Variants in SDK1 observed in about 807,000 individuals in gnomAD.
SDK1 encodes the protein sidekick cell adhesion molecule 1, also known as protein sidekick-1.
SDK1 carries 157 observed loss-of-function variants against 245.5 expected under a neutral mutation model. That is an observed-to-expected ratio of 0.64 (90% CI 0.56 to 0.73). SDK1 has a LOEUF of 0.73. Ranked by LOEUF, SDK1 falls within the 30% of genes least tolerant of loss-of-function variation. The probability of loss-of-function intolerance (pLI) is 0.00; values close to 1 mark genes in which losing one functional copy is unlikely to be tolerated. For synonymous variants in SDK1, 1,647 were observed against 1,278.5 expected (o/e 1.29, Z -6.15); for missense variants, 3,583 against 3,002.3 (o/e 1.19, Z -4.52).
At chr7:3,940,160 C>T (rs1187774930) in intron 5 of SDK1, among the ~76,000 whole-genome samples, 1 of 150,880 alleles carries the variant, frequency 6.6e-6, no homozygotes, top group Non-Finnish European at 1.5e-5. Flanking sequence ...AGAAACTGAC[C>T]TACAGAACTT....
At chr7:3,673,004 C>T (rs1783768119) in intron 4 of SDK1, among the ~76,000 whole-genome samples, 2 of 151,066 alleles carry the variant, frequency 1.3e-5, no homozygotes, top group Admixed American at 1.3e-4. Flanking sequence ...TTTAAATAAG[C>T]ATCTTTGCTT....
At chr7:3,621,498 A>G (rs1419400073) in intron 2 of SDK1, among the ~76,000 whole-genome samples, 3 of 152,228 alleles carry the variant, frequency 2.0e-5, no homozygotes, top group African/African-American at 7.2e-5. Context: ...AGTAGGCATG[A>G]TGTGGACAGT....
At chr7:3,942,769 A>T (rs1466763039) in intron 5 of SDK1, among the ~76,000 whole-genome samples, 1 of 152,150 alleles carries the variant, frequency 6.6e-6, no homozygotes, top group Non-Finnish European at 1.5e-5. Flanking sequence ...AAAACCCTGG[A>T]GATTGTTTTT....
Position 4,259,798 on chromosome 7 carries a change from G to A in SDK1, c.6382-5326G>A, listed in dbSNP as rs111230543. ...GAATGGAGGGTTGTACACCTGTTGC[G>A]CGGATCCTAGAGAGAAGCCTGGAAC... On this transcript the variant is annotated intron_variant, in intron 44 of 44. Coordinates refer to ENST00000404826, the MANE Select transcript of SDK1 (RefSeq NM_152744.4). 2.6e-3 allele frequency among the ~76,000 whole-genome samples: 391 copies of A among 152,312 alleles called. 1 individual carries two copies. The highest frequency in any genetic ancestry group is 8.0e-3 in the African/African-American group (334 of 41,566).
chr7:3,533,275 C>T (rs1783410457), intron 1 of SDK1, among the ~76,000 whole-genome samples: 1 of 152,086 alleles, frequency 6.6e-6, no homozygotes, highest in Non-Finnish European at 1.5e-5. Context: ...GTAAACAGTA[C>T]TGACAAGGCT....
intron 1 of SDK1, among the ~76,000 whole-genome samples, chr7:3,319,481 T>G (rs997819440): frequency 6.6e-6 from 1 of 152,226 alleles, no homozygotes; most frequent in Non-Finnish European, 1.5e-5. Context: ...CAAGCTGGCT[T>G]ACCTTTTAGA....
chr7:3,943,468 T>C (rs1780451996), intron 5 of SDK1, among the ~76,000 whole-genome samples: 2 of 39,868 alleles, frequency 5.0e-5, no homozygotes, highest in Non-Finnish European at 1.1e-4. Flanking sequence ...GAAAGCTGTG[T>C]GCCCAGCTGC....
intron 5 of SDK1, among the ~76,000 whole-genome samples, chr7:3,848,112 C>T (rs1780326731): frequency 6.6e-6 from 1 of 152,200 alleles, no homozygotes; most frequent in African/African-American, 2.4e-5. Context: ...CAAATTCCAT[C>T]TCGAGCTGTT....
At chr7:3,705,544 A>T (rs1264504604) in intron 4 of SDK1, among the ~76,000 whole-genome samples, 3 of 148,038 alleles carry the variant, frequency 2.0e-5, no homozygotes, top group Middle Eastern at 3.6e-3. Context: ...TCATGATTTG[A>T]GTCTCAGTTT....
intron 4 of SDK1, among the ~76,000 whole-genome samples, chr7:3,713,360 A>T (rs1785103656): frequency 6.6e-6 from 1 of 152,204 alleles, no homozygotes; most frequent in Admixed American, 6.5e-5. Flanking sequence ...TCAAGAAAAG[A>T]AAGAAAGAGC....
chr7:3,327,596 A>G (rs1779967838), intron 1 of SDK1, among the ~76,000 whole-genome samples: 1 of 152,258 alleles, frequency 6.6e-6, no homozygotes, highest in East Asian at 1.9e-4. Context: ...GAGAAAAATA[A>G]TATTCCAACT....
intron 25 of SDK1, among the ~76,000 whole-genome samples, chr7:4,118,213 A>G (rs1783838685): frequency 6.6e-6 from 1 of 152,246 alleles, no homozygotes; most frequent in Non-Finnish European, 1.5e-5. Flanking sequence ...TCTAGAATAT[A>G]TAAAGACTTC....
chr7:3,952,055 CT>C lies in SDK1; in HGVS notation c.1150+137del, dbSNP rs912865888. Reference sequence around the variant, plus strand: ...CAAATGAAGGTGAGGTTGAGTTTACCTTCGAAATCCTTCCTAGCCTTCTTTC... The same window carrying C: ...CAAATGAAGGTGAGGTTGAGTTTACCTCGAAATCCTTCCTAGCCTTCTTTC... On this transcript the variant is annotated intron_variant, in intron 7 of 44. Coordinates refer to ENST00000404826, the MANE Select transcript of SDK1 (RefSeq NM_152744.4). The C allele has an allele frequency of 6.8e-6, 5 of 732,324 alleles. 1 individual carries two copies. The Admixed American group carries it at 1.2e-4, about 18-fold the overall frequency. 45.4% of individuals were successfully genotyped at this position (732,324 alleles called of 1,614,324 possible). A position where few individuals can be genotyped will look rare whatever the true frequency, so the allele number is the denominator to read the frequency against.
chr7:3,567,689 T>C (rs915827223), intron 1 of SDK1, among the ~76,000 whole-genome samples: 2 of 152,236 alleles, frequency 1.3e-5, no homozygotes, highest in African/African-American at 4.8e-5. Context: ...GGTAAACCTC[T>C]GAGGGTTTTC....
At chr7:3,671,929 C>G (rs1212321535) in intron 4 of SDK1, among the ~76,000 whole-genome samples, 1 of 152,118 alleles carries the variant, frequency 6.6e-6, no homozygotes. Flanking sequence ...GTGGAGGAAT[C>G]AGCTGAACTT....
chr7:3,717,180 C>A (rs575226623), intron 4 of SDK1, among the ~76,000 whole-genome samples: 1 of 152,118 alleles, frequency 6.6e-6, no homozygotes, highest in South Asian at 2.1e-4. Flanking sequence ...AACTAATTGA[C>A]CGAAATAGAC....
chr7:3,428,072 T>G (rs1006370571), intron 1 of SDK1, among the ~76,000 whole-genome samples: 1 of 152,194 alleles, frequency 6.6e-6, no homozygotes, highest in Admixed American at 6.5e-5. Context: ...GTCAAGTGGG[T>G]TAATCACTGT....
intron 13 of SDK1, among the ~76,000 whole-genome samples, chr7:3,975,889 A>G (rs553800446): frequency 7.2e-5 from 11 of 152,306 alleles, no homozygotes; most frequent in African/African-American, 2.4e-4. Context: ...CTGGTGCTGC[A>G]GCTGCAAAGC....
chr7:3,353,127 T>G (rs968142157), intron 1 of SDK1, among the ~76,000 whole-genome samples: 9 of 152,240 alleles, frequency 5.9e-5, no homozygotes, highest in South Asian at 4.1e-4. Flanking sequence ...CTATTTTGTT[T>G]CCTGTTATCA....
Sources: allele counts gnomAD v4.1 joint callset (sites outside exome capture counted in the v4.1 genomes callset), GRCh38; gene constraint gnomAD v4.1.1; transcripts MANE v1.5; gene names NCBI Gene and HGNC (gene_info 2026-07-23, HGNC 2026-07-21).